UTRN: variants seen among roughly 807,000 people sequenced by gnomAD.
UTRN encodes the protein utrophin, also known as dystrophin-related protein 1.
A neutral mutation model predicts 463.9 loss-of-function variants in UTRN; 283 were observed. The ratio of observed to expected loss-of-function variants is 0.61; its 90% confidence interval spans 0.55 to 0.67. UTRN has a LOEUF of 0.67. Ranked by LOEUF, UTRN falls within the 30% of genes least tolerant of loss-of-function variation. UTRN has a pLI of 0.00. For missense variants in UTRN, 3,922 were observed against 4,084.3 expected, an observed-to-expected ratio of 0.96 and a Z score of 1.08; for synonymous variants, 1,442 against 1,431.5, an observed-to-expected ratio of 1.01 and a Z score of -0.17.
At chr6:144,792,555 AAAAG>A (rs1039502768) in intron 62 of UTRN, among the ~76,000 whole-genome samples, 4 of 152,344 alleles carry the variant, frequency 2.6e-5, no homozygotes, top group Admixed American at 1.3e-4. Flanking sequence ...CTCAAAAAAA[AAAAG>A]AGAGAGAGAA....
At chr6:144,639,028 C>G (rs1777495455) in intron 51 of UTRN, among the ~76,000 whole-genome samples, 1 of 151,992 alleles carries the variant, frequency 6.6e-6, no homozygotes. Flanking sequence ...ATGATCTTGC[C>G]ACTGCACTCC....
Position 144,806,808 on chromosome 6 carries a change from C to T in UTRN, c.9357+3661C>T, listed in dbSNP as rs546681371. 1.7e-4 allele frequency among the ~76,000 whole-genome samples: 18 copies of T among 103,544 alleles called. 2 individuals carry two copies. Among genetic ancestry groups the T allele is most frequent in the African/African-American group, 5.3e-4 (16 of 29,988 alleles). 67.9% of individuals were successfully genotyped at this position (103,544 alleles called of 152,430 possible). A position where few individuals can be genotyped will look rare whatever the true frequency, so the allele number is the denominator to read the frequency against. ...AGTCTGGACATATTTCTCTCTCATT[C>T]GAAATACAAATTTTAGATGTACTAT... On this transcript the variant is annotated intron_variant, in intron 65 of 74. Transcript: ENST00000367545.
At chr6:144,294,931 G>A (rs1187135595) in intron 2 of UTRN, among the ~76,000 whole-genome samples, 1 of 152,140 alleles carries the variant, frequency 6.6e-6, no homozygotes, top group African/African-American at 2.4e-5. Context: ...CTTGCCTTGG[G>A]TTTGGGTGAG....
rs1221837817 is a variant in UTRN at position 144,778,573 on chromosome 6, A to G, written c.8633-3349A>G. The stretch of plus-strand genomic sequence containing the variant: ...AGATGTGAAACCTTGAGCTCTGCCT[A>G]TATTTCTGGGGAAGAGAAGATAGGG... On this transcript the variant is annotated intron_variant, in intron 60 of 74. Coordinates refer to ENST00000367545, the MANE Select transcript of UTRN (RefSeq NM_007124.3). 2.0e-5 allele frequency among the ~76,000 whole-genome samples: 3 copies of G among 151,788 alleles called. No homozygotes were observed. In the East Asian group the frequency reaches 5.8e-4, roughly 29 times the overall value.
Position 144,737,009 on chromosome 6 carries a change from C to G in UTRN, c.7939+6523C>G, listed in dbSNP as rs548093185. 1.6e-3 allele frequency among the ~76,000 whole-genome samples: 251 copies of G among 152,322 alleles called. 1 individual carries two copies. Among genetic ancestry groups the G allele is most frequent in the Middle Eastern group, 6.8e-3 (2 of 294 alleles). On this transcript the variant is annotated intron_variant, in intron 54 of 74. Coordinates refer to ENST00000367545, the MANE Select transcript of UTRN (RefSeq NM_007124.3). ...CCTGGACGCTTTCCCTTCCCGAGCTCTCTGCCATGATTCCCTGGCACCCTG... is the reference window on the plus strand; with the variant it reads ...CCTGGACGCTTTCCCTTCCCGAGCTGTCTGCCATGATTCCCTGGCACCCTG...
intron 51 of UTRN, among the ~76,000 whole-genome samples, chr6:144,656,864 G>A (rs1779362768): frequency 6.6e-6 from 1 of 152,036 alleles, no homozygotes; most frequent in Non-Finnish European, 1.5e-5. Context: ...AATTAGTTAA[G>A]AATTTAAAAA....
At chr6:144,532,408 T>C (rs1400182349) in intron 42 of UTRN, among the ~76,000 whole-genome samples, 4 of 152,168 alleles carry the variant, frequency 2.6e-5, no homozygotes, top group Non-Finnish European at 4.4e-5. Flanking sequence ...AAGAAACATG[T>C]CCTTCTTCAT....
At chr6:144,632,049 G>A (rs986033420) in intron 51 of UTRN, among the ~76,000 whole-genome samples, 2 of 152,178 alleles carry the variant, frequency 1.3e-5, no homozygotes, top group Non-Finnish European at 2.9e-5. Context: ...ACATTTATTA[G>A]AACATGCATA....
At chr6:144,338,162 T>G (rs183556444) in intron 2 of UTRN, among the ~76,000 whole-genome samples, 2 of 152,370 alleles carry the variant, frequency 1.3e-5, no homozygotes, top group East Asian at 3.9e-4. Flanking sequence ...TTTTATTGGC[T>G]TTTGCTTTTT....
At chr6:144,661,860 C>A (rs188591002) in intron 51 of UTRN, among the ~76,000 whole-genome samples, 6 of 152,254 alleles carry the variant, frequency 3.9e-5, no homozygotes, top group Admixed American at 3.9e-4. Flanking sequence ...GTTAGAAGTT[C>A]TGGTTATATT....
In UTRN at chr6:144,646,705, CA is replaced by C. The variant is rs991393884; in HGVS notation, c.7480-31700del. 1.2e-4 allele frequency among the ~76,000 whole-genome samples: 19 copies of C among 152,122 alleles called. No homozygotes were observed. In the Middle Eastern group the frequency reaches 0.017, roughly 136 times the overall value. ...ATTCAAACTGGGAAAGCAAATGTATCAGGGGGCGGCTTTTAATTTGACAAAA... is the reference window on the plus strand; with the variant it reads ...ATTCAAACTGGGAAAGCAAATGTATCGGGGGCGGCTTTTAATTTGACAAAA... On this transcript the variant is annotated intron_variant, in intron 51 of 74. Coordinates refer to ENST00000367545, the MANE Select transcript of UTRN (RefSeq NM_007124.3).
intron 52 of UTRN, among the ~76,000 whole-genome samples, chr6:144,681,316 A>G (rs1276451791): frequency 6.6e-6 from 1 of 152,144 alleles, no homozygotes; most frequent in African/African-American, 2.4e-5. Flanking sequence ...ACATTAGAAG[A>G]GGGCAAAGAA....
chr6:144,411,544 T>A (rs1360034309), intron 3 of UTRN, among the ~76,000 whole-genome samples: 3 of 152,200 alleles, frequency 2.0e-5, no homozygotes, highest in Non-Finnish European at 2.9e-5. Context: ...TTATCATCAC[T>A]ATACCGGTAA....
rs368938364 is a variant in UTRN at position 144,437,236 on chromosome 6, G to A, written c.1060-329G>A. Among the ~76,000 whole-genome samples the A allele has an allele frequency of 8.5e-5, 13 of 152,220 alleles. No individual in the cohort carries two copies. In the East Asian group the frequency reaches 9.6e-4, roughly 11 times the overall value. On this transcript the variant is annotated intron_variant, in intron 10 of 74. Coordinates refer to ENST00000367545, the MANE Select transcript of UTRN (RefSeq NM_007124.3). ...CCCAAAATGCTGGGATTATAGGTGT[G>A]AGCCACCACACCCAGCCTTTTATTT...
chr6:144,736,283 G>C (rs1357737151), intron 54 of UTRN, among the ~76,000 whole-genome samples: 1 of 152,190 alleles, frequency 6.6e-6, no homozygotes, highest in Non-Finnish European at 1.5e-5. Flanking sequence ...GGAGAGGTTA[G>C]ATCAGGAAGA....
At position 144,533,055 on chromosome 6, in the gene UTRN, A is replaced by G. The variant is rs1164985823; in HGVS notation, c.6058-30A>G. On this transcript the variant is annotated intron_variant, in intron 42 of 74. Coordinates refer to ENST00000367545, the MANE Select transcript of UTRN (RefSeq NM_007124.3). ...CATCAGAATCATTTACTTATTAGTGAAACTAATCTTGAGTTGTGCTCTGTT... is the reference window on the plus strand; with the variant it reads ...CATCAGAATCATTTACTTATTAGTGGAACTAATCTTGAGTTGTGCTCTGTT... 3.2e-6 allele frequency: 4 copies of G among 1,261,528 alleles called. No individual in the cohort carries two copies. In the South Asian group the frequency reaches 5.0e-5, roughly 16 times the overall value. The allele number at this position is 1,261,528 out of a possible 1,614,324, so 78.1% of individuals were successfully genotyped here.
intron 46 of UTRN, among the ~76,000 whole-genome samples, chr6:144,547,697 C>T (rs1318606598): frequency 6.6e-6 from 1 of 152,140 alleles, no homozygotes; most frequent in Non-Finnish European, 1.5e-5. Context: ...TTAAATGTCT[C>T]AGTCTATAAT....
intron 53 of UTRN, among the ~76,000 whole-genome samples, chr6:144,710,863 A>G (rs981752596): frequency 5.9e-5 from 9 of 152,218 alleles, no homozygotes; most frequent in African/African-American, 2.2e-4. Context: ...ATCTAGATTA[A>G]CCCGTCAAAT....
At chr6:144,587,063 A>T (rs1802534852) in intron 51 of UTRN, among the ~76,000 whole-genome samples, 1 of 152,206 alleles carries the variant, frequency 6.6e-6, no homozygotes, top group African/African-American at 2.4e-5. Context: ...TTAGTAGTGT[A>T]TAATTTTGTT....
Sources: gnomAD v4.1 joint callset for allele counts (sites outside exome capture counted in the v4.1 genomes callset) on GRCh38, gnomAD v4.1.1 for gene constraint, MANE v1.5 for transcripts, NCBI Gene and HGNC (gene_info 2026-07-23, HGNC 2026-07-21) for gene names.